FBXO11: variants seen among roughly 807,000 people sequenced by gnomAD.
The protein encoded by FBXO11 is F-box only protein 11.
FBXO11 carries 13 observed loss-of-function variants against 117.0 expected under a neutral mutation model. The ratio of observed to expected loss-of-function variants is 0.11; its 90% CI spans 0.07 to 0.18. FBXO11 has a LOEUF of 0.18. FBXO11 is among the 10% of genes least tolerant of loss of function. FBXO11 has a pLI of 1.00. For missense variants in FBXO11, 767 were observed against 1,164.4 expected (o/e 0.66, Z 4.97); for synonymous variants, 490 against 380.5 (o/e 1.29, Z -3.35).
At chr2:47,871,097 T>C (rs1404709840) in intron 1 of FBXO11, among the ~76,000 whole-genome samples, 2 of 152,198 alleles carry the variant, frequency 1.3e-5, no homozygotes, top group African/African-American at 2.4e-5. Flanking sequence ...TTGAGCTTAG[T>C]GACTTCTAAT....
chr2:47,826,176 AG>A (rs1671742343), intron 11 of FBXO11, among the ~76,000 whole-genome samples: 1 of 151,836 alleles, frequency 6.6e-6, no homozygotes, highest in Non-Finnish European at 1.5e-5. Context: ...CTCCTGCCTT[AG>A]CCTCCCGAGT....
Position 47,881,705 on chromosome 2 carries a change from T to C in FBXO11, c.232+23784A>G, listed in dbSNP as rs140499292. Among the ~76,000 whole-genome samples the C allele has an allele frequency of 5.6e-4, 86 of 152,294 alleles. No individual in the cohort carries two copies. In the East Asian group the frequency reaches 6.0e-3, roughly 11 times the overall value. On this transcript the variant is annotated intron_variant, in intron 1 of 22. Coordinates refer to ENST00000403359, the MANE Select transcript of FBXO11 (RefSeq NM_001190274.2). ...TTTGATCATTTGTATATCATCAGGGTATACAATATTAACATTATATTCTGT... is the reference window on the plus strand; with the variant it reads ...TTTGATCATTTGTATATCATCAGGGCATACAATATTAACATTATATTCTGT...
In FBXO11 at chr2:47,877,997, A is replaced by C. The variant is rs1378562915; in HGVS notation, c.232+27492T>G. 3.9e-5 allele frequency among the ~76,000 whole-genome samples: 6 copies of C among 151,942 alleles called. 1 individual carries two copies. In the East Asian group the frequency reaches 1.2e-3, roughly 29 times the overall value. On this transcript the variant is annotated intron_variant, in intron 1 of 22. Transcript: ENST00000403359. ...CGTGCCTGGCCCAGAATGAGGTCTT[A>C]TAATTGCTGCATATGTCTCCTCCTG...
At chr2:47,851,989 ATTTT>A (rs1191001581) in intron 1 of FBXO11, among the ~76,000 whole-genome samples, 1 of 132,840 alleles carries the variant, frequency 7.5e-6, no homozygotes, top group East Asian at 2.1e-4. Context: ...CAAGCAACCA[ATTTT>A]TTTTTTTTTT....
Position 47,807,059 on chromosome 2 carries a change from G to A in FBXO11, c.*1059C>T. ...ACAATATATTAAGTCTAGATGTTAT[G>A]GTACATGCATACACTTTCAGGCTGT... is the stretch of plus-strand genomic sequence containing the variant. On this transcript the variant is annotated 3_prime_UTR_variant, in exon 23 of 23. Transcript: ENST00000403359. 2 of 582,486 alleles carry A rather than the reference G, an allele frequency of 3.4e-6. No individual in the cohort carries two copies. The highest frequency in any genetic ancestry group is 4.5e-4 in the Middle Eastern group (1 of 2,232). The allele number at this position is 582,486 out of a possible 1,614,324, so 36.1% of individuals were successfully genotyped here.
intron 1 of FBXO11, among the ~76,000 whole-genome samples, chr2:47,865,401 C>G (rs1675121195): frequency 6.6e-6 from 1 of 152,180 alleles, no homozygotes; most frequent in Non-Finnish European, 1.5e-5. Context: ...AAAGAAGGCC[C>G]TTCTTCACCC....
intron 1 of FBXO11, among the ~76,000 whole-genome samples, chr2:47,851,533 T>C (rs1558441892): frequency 1.3e-5 from 2 of 152,034 alleles, no homozygotes; most frequent in Non-Finnish European, 2.9e-5. Flanking sequence ...GGCCTATTAA[T>C]TTTCATCTGT....
intron 11 of FBXO11, among the ~76,000 whole-genome samples, chr2:47,824,207 T>C (rs748246195): frequency 2.7e-4 from 41 of 152,156 alleles, no homozygotes; most frequent in Non-Finnish European, 1.0e-4. Flanking sequence ...TCCCAACAAG[T>C]CAGCTTCTAA....
chr2:47,821,270 G>C (rs1186899493), intron 13 of FBXO11, among the ~76,000 whole-genome samples: 1 of 152,086 alleles, frequency 6.6e-6, no homozygotes, highest in Non-Finnish European at 1.5e-5. Flanking sequence ...TTGAGGCCAG[G>C]AGTTCAAAAC....
At position 47,905,764 on chromosome 2, in the gene FBXO11, G is replaced by T; in HGVS notation, c.-44C>A. 1 of 1,269,818 alleles carries T rather than the reference G, an allele frequency of 7.9e-7. No homozygotes were observed. 78.7% of individuals were successfully genotyped at this position (1,269,818 alleles called of 1,614,324 possible). A position where few individuals can be genotyped will look rare whatever the true frequency, so the allele number is the denominator to read the frequency against. On this transcript the variant is annotated 5_prime_UTR_variant, in exon 1 of 23. Transcript: ENST00000403359. ...GGCGTTGGCGGAGGGACACACACAC[G>T]CACACGCACAGCGAGCTTCGGGGCA...
At chr2:47,816,641 C>T (rs1298680948) in intron 16 of FBXO11, among the ~76,000 whole-genome samples, 2 of 147,978 alleles carry the variant, frequency 1.4e-5, no homozygotes, top group East Asian at 3.8e-4. Flanking sequence ...GAAATCACTC[C>T]TTGATCCAGA....
chr2:47,851,989 A>ATTTTTTTTTTTTTTTTTTTTTTTTT, intron 1 of FBXO11, among the ~76,000 whole-genome samples: 1 of 132,850 alleles, frequency 7.5e-6, no homozygotes, highest in Non-Finnish European at 1.6e-5. Flanking sequence ...CAAGCAACCA[A>ATTTTTTTTTTTTTTTTTTTTTTTTT]TTTTTTTTTT....
intron 11 of FBXO11, among the ~76,000 whole-genome samples, chr2:47,827,778 C>T (rs1572795198): frequency 6.6e-6 from 1 of 151,344 alleles, no homozygotes; most frequent in African/African-American, 2.4e-5. Flanking sequence ...TTCATTGCAA[C>T]CTCCAAATCC....
intron 18 of FBXO11, 46 bp from the exon 19 acceptor site, chr2:47,810,472 A>T: frequency 8.5e-7 from 1 of 1,178,556 alleles, no homozygotes; most frequent in Non-Finnish European, 1.2e-6. Context: ...CATATAACAG[A>T]CTACTAACCT....
chr2:47,823,514 G>A (rs904721936), intron 11 of FBXO11, among the ~76,000 whole-genome samples, 154 bp from the exon 12 acceptor site: 14 of 152,110 alleles, frequency 9.2e-5, no homozygotes, highest in African/African-American at 3.4e-4. Context: ...CCAGCACTTT[G>A]GGAGCCCTAG....
intron 1 of FBXO11, among the ~76,000 whole-genome samples, chr2:47,893,318 G>A (rs1486629361): frequency 6.6e-6 from 1 of 151,888 alleles, no homozygotes; most frequent in East Asian, 1.9e-4. Context: ...AAACTTCAGT[G>A]TTTTATAAAT....
intron 1 of FBXO11, among the ~76,000 whole-genome samples, chr2:47,892,535 T>G (rs376412619): frequency 6.6e-6 from 1 of 152,168 alleles, no homozygotes; most frequent in Admixed American, 6.5e-5. Context: ...GATGCAGAAA[T>G]AGAGTACAGG....
chr2:47,842,410 TTAA>T (rs1281586114), intron 1 of FBXO11, among the ~76,000 whole-genome samples: 9 of 152,352 alleles, frequency 5.9e-5, no homozygotes, highest in African/African-American at 2.2e-4. Flanking sequence ...AGATAATACC[TTAA>T]TAATAACTCA....
intron 1 of FBXO11, among the ~76,000 whole-genome samples, chr2:47,903,822 G>A (rs1333125046): frequency 6.6e-6 from 1 of 152,114 alleles, no homozygotes; most frequent in African/African-American, 2.4e-5. Context: ...AATTCTGGAA[G>A]AAGAACATTA....
Sources: allele counts gnomAD v4.1 joint callset (sites outside exome capture counted in the v4.1 genomes callset), GRCh38; gene constraint gnomAD v4.1.1; transcripts MANE v1.5; gene names NCBI Gene and HGNC (gene_info 2026-07-23, HGNC 2026-07-21).